The following PLXNA4 variants were observed in gnomAD, a reference collection of about 807,000 sequenced individuals.
PLXNA4 encodes plexin-A4.
A neutral mutation model predicts 191.8 loss-of-function variants in PLXNA4; 44 were observed. The observed-to-expected ratio is 0.23, with a 90% confidence interval of 0.18 to 0.29. The LOEUF (loss-of-function observed/expected upper bound fraction) is 0.29. Among genes scored for constraint, PLXNA4 ranks in the 10% least tolerant of loss-of-function variants. The pLI is 1.00. For missense variants in PLXNA4, 1,800 were observed against 2,488.8 expected, an observed-to-expected ratio of 0.72 and a Z score of 5.89; for synonymous variants, 1,082 against 1,009.5, an observed-to-expected ratio of 1.07 and a Z score of -1.36.
At chr7:132,303,541 C>A (rs1454500468) in intron 3 of PLXNA4, among the ~76,000 whole-genome samples, 1 of 152,078 alleles carries the variant, frequency 6.6e-6, no homozygotes, top group African/African-American at 2.4e-5. Context: ...TGCACTCCAG[C>A]CTGGGCGACA....
At chr7:132,385,786 G>A (rs150880757) in intron 3 of PLXNA4, among the ~76,000 whole-genome samples, 317 of 152,322 alleles carry the variant, frequency 2.1e-3, no homozygotes, top group African/African-American at 7.5e-3. Flanking sequence ...AAGTCCTCCT[G>A]TGGCCAACCT....
intron 24 of PLXNA4, among the ~76,000 whole-genome samples, chr7:132,160,437 G>T (rs895957838): frequency 2.0e-5 from 3 of 152,072 alleles, no homozygotes; most frequent in Non-Finnish European, 4.4e-5. Flanking sequence ...CCTTTAAAAA[G>T]TTCTGGGCTT....
In PLXNA4 at chr7:132,181,382, T is replaced by C; in HGVS notation, c.3491A>G (p.Lys1164Arg). The part of the protein sequence containing the change: ...ELKPGTPIIL[K>R]GKNLIPPVAG... ...CGCCTCCCACCACCCTCACTCCACC[T>C]TTAGGATGATGGGCGTGCCAGGCTT... Residue 1164 changes from lysine (K) to arginine (R), a missense_variant and splice_region_variant, in exon 18 of 32, where the codon AAG becomes AGG. Physicochemically the swap from Lys to Arg is conservative, Grantham distance 26. Transcript: ENST00000321063. 2.7e-6 allele frequency: 4 copies of C among 1,464,336 alleles called. No individual in the cohort carries two copies. Among genetic ancestry groups the C allele is most frequent in the East Asian group, 2.9e-5 (1 of 34,092 alleles). 90.7% of individuals were successfully genotyped at this position (1,464,336 alleles called of 1,614,324 possible).
At chr7:132,601,016 T>C (rs1471153834) in intron 2 of PLXNA4, among the ~76,000 whole-genome samples, 1 of 152,196 alleles carries the variant, frequency 6.6e-6, no homozygotes, top group Non-Finnish European at 1.5e-5. Flanking sequence ...TTTGACTTTC[T>C]ATCTCCAGAG....
intron 3 of PLXNA4, among the ~76,000 whole-genome samples, chr7:132,482,412 G>C (rs911772492): frequency 6.6e-6 from 1 of 152,144 alleles, no homozygotes; most frequent in Non-Finnish European, 1.5e-5. Context: ...GTGAGGACCT[G>C]AGGCTTGCCA....
intron 25 of PLXNA4, among the ~76,000 whole-genome samples, chr7:132,154,269 G>C (rs1481532975): frequency 6.6e-5 from 10 of 152,260 alleles, no homozygotes; most frequent in Non-Finnish European, 1.0e-4. Context: ...GGAGCCCTGA[G>C]ACCTTCAACA....
At chr7:132,295,658 C>A (rs1360093853) in intron 4 of PLXNA4, among the ~76,000 whole-genome samples, 1 of 152,174 alleles carries the variant, frequency 6.6e-6, no homozygotes, top group East Asian at 1.9e-4. Flanking sequence ...TCCCCCGGGA[C>A]TGGATTTTTG....
chr7:132,333,643 C>T (rs1802686902), intron 3 of PLXNA4, among the ~76,000 whole-genome samples: 2 of 152,164 alleles, frequency 1.3e-5, no homozygotes, highest in African/African-American at 4.8e-5. Context: ...TGGAGGGGTG[C>T]TTCTACCAGA....
intron 3 of PLXNA4, among the ~76,000 whole-genome samples, chr7:132,322,184 C>CTGTTTTTTTTTT (rs376377991): frequency 8.2e-6 from 1 of 122,518 alleles, no homozygotes; most frequent in African/African-American, 3.0e-5. Context: ...CCTAAAAGGG[C>CTGTTTTTTTTTT]TTTTTTTTTT....
chr7:132,123,493 C>T lies in PLXNA4; in HGVS notation c.*6986G>A, dbSNP rs146750018. 1.8e-4 allele frequency: 27 copies of T among 152,242 alleles called. No homozygotes were observed. In the East Asian group the frequency reaches 5.2e-3, roughly 29 times the overall value. 9.4% of individuals were successfully genotyped at this position (152,242 alleles called of 1,614,324 possible). On this transcript the variant is annotated 3_prime_UTR_variant, in exon 32 of 32. Transcript: ENST00000321063. ...GAAGCTTGCCTTTACCAAGTTACAA[C>T]TGGGCTCCAATTTAAATAGCACAGG...
At position 132,187,510 on chromosome 7, in the gene PLXNA4, A is replaced by G; in HGVS notation, c.2954T>C (p.Val985Ala). The stretch of plus-strand genomic sequence containing the variant: ...GGGCTGCTTTCCAAACATCACCACC[A>G]CGTTGCTTCCGGCATTCAGGTTGGT... The part of the protein sequence containing the change: ...TGTNLNAGSN[V>A]VVMFGKQPCL... The change falls in exon 15 of 32, where the codon GTG becomes GCG. Residue 985 changes from valine to alanine, a missense_variant. Val to Ala is a moderately conservative substitution (Grantham distance 64, BLOSUM62 0). Transcript: ENST00000321063. The G allele has an allele frequency of 6.2e-7, 1 of 1,614,102 alleles. No individual in the cohort carries two copies. The highest frequency in any genetic ancestry group is 2.2e-5 in the East Asian group (1 of 44,874).
At chr7:132,461,320 A>G (rs1247592412) in intron 3 of PLXNA4, among the ~76,000 whole-genome samples, 1 of 152,212 alleles carries the variant, frequency 6.6e-6, no homozygotes, top group African/African-American at 2.4e-5. Context: ...AAACCTCACT[A>G]TAAGAAGCAG....
chr7:132,540,526 T>G, intron 1 of PLXNA4, among the ~76,000 whole-genome samples: 1 of 149,584 alleles, frequency 6.7e-6, no homozygotes, highest in Non-Finnish European at 1.5e-5. Flanking sequence ...ATACAGGAAA[T>G]GGATGTTGGC....
chr7:132,486,832 C>T (rs1433851378), intron 3 of PLXNA4, among the ~76,000 whole-genome samples: 4 of 152,172 alleles, frequency 2.6e-5, no homozygotes, highest in African/African-American at 7.2e-5. Context: ...CCTGCCTGAC[C>T]GACTGCTGGA....
intron 5 of PLXNA4, among the ~76,000 whole-genome samples, chr7:132,240,110 G>T (rs1798827371): frequency 6.6e-6 from 1 of 152,318 alleles, no homozygotes; most frequent in South Asian, 2.1e-4. Context: ...TGTAGTTCAG[G>T]TTCTTAGTAG....
In PLXNA4 at chr7:132,291,234, A is replaced by T. The variant is rs190420833; in HGVS notation, c.1503+6857T>A. On this transcript the variant is annotated intron_variant, in intron 4 of 31. Coordinates refer to ENST00000321063, the MANE Select transcript of PLXNA4 (RefSeq NM_020911.2). ...TCTCCCCAGACGGTCCTCTCGCACC[A>T]CTTCACTCTCTTCTGCTTTTTGCTC... Among the ~76,000 whole-genome samples, 4 of 152,144 alleles carry T rather than the reference A, an allele frequency of 2.6e-5. No individual in the cohort carries two copies. The East Asian group carries it at 7.7e-4, about 29-fold the overall frequency.
chr7:132,591,121 C>T (rs1802597090), intron 2 of PLXNA4, among the ~76,000 whole-genome samples: 1 of 152,122 alleles, frequency 6.6e-6, no homozygotes, highest in Non-Finnish European at 1.5e-5. Context: ...ATCACTAACA[C>T]TGATTTGGAC....
rs1473246084 is a variant in PLXNA4, at chr7:132,179,853, C to T, written c.3708G>A (p.Leu1236=). ...CCACTGCGATGCTGACGATGGCGGG[C>T]AGGCTGAGCGGGCTGTCCGGGGCAA... ...VYIAPDSPLS[L]PAIVSIAVAG... The change falls in exon 20 of 32, where the codon CTG becomes CTA. Residue 1236 remains leucine (L), a synonymous_variant. Coordinates refer to ENST00000321063, the MANE Select transcript of PLXNA4 (RefSeq NM_020911.2). 2 of 1,613,268 alleles carry T rather than the reference C, an allele frequency of 1.2e-6. No individual in the cohort carries two copies. Among genetic ancestry groups the T allele is most frequent in the African/African-American group, 2.7e-5 (2 of 74,940 alleles).
chr7:132,350,024 A>G (rs759115460), intron 3 of PLXNA4, among the ~76,000 whole-genome samples: 97 of 152,218 alleles, frequency 6.4e-4, no homozygotes, highest in Admixed American at 2.2e-3. Flanking sequence ...TCCCCTTTGT[A>G]AGCTGTTCCC....
Sources: gnomAD v4.1 joint callset for allele counts (sites outside exome capture counted in the v4.1 genomes callset) on GRCh38, gnomAD v4.1.1 for gene constraint, MANE v1.5 for transcripts, NCBI Gene and HGNC (gene_info 2026-07-23, HGNC 2026-07-21) for gene names.